CNTN4: variants seen among roughly 807,000 people sequenced by gnomAD.
CNTN4 encodes contactin-4.
A neutral mutation model predicts 122.5 loss-of-function variants in CNTN4; 77 were observed. The ratio of observed to expected loss-of-function variants is 0.63; its 90% CI spans 0.52 to 0.76. CNTN4 has a LOEUF of 0.76. CNTN4 is among the 30% of genes least tolerant of loss of function. The pLI, the probability that CNTN4 is intolerant of heterozygous loss-of-function variation, is 0.00. For synonymous variants in CNTN4, 512 were observed against 447.0 expected (o/e 1.15, Z -1.83); for missense variants, 1,256 against 1,259.1 (o/e 1.00, Z 0.04).
intron 4 of CNTN4, among the ~76,000 whole-genome samples, chr3:2,714,894 G>T (rs75652452): frequency 6.6e-6 from 1 of 152,078 alleles, no homozygotes; most frequent in Non-Finnish European, 1.5e-5. Flanking sequence ...GAGGCACCAC[G>T]CTGGGCCCAG....
chr3:2,250,230 A>G (rs1026055155), intron 2 of CNTN4, among the ~76,000 whole-genome samples: 1 of 151,950 alleles, frequency 6.6e-6, no homozygotes, highest in Non-Finnish European at 1.5e-5. Flanking sequence ...CCTTCAATTA[A>G]TAGACTAGAG....
At chr3:2,715,764 C>T (rs1400197) in intron 4 of CNTN4, among the ~76,000 whole-genome samples, 9,926 of 152,178 alleles carry the variant, frequency 0.065, 849 homozygotes, top group African/African-American at 0.2. Context: ...TGAGACAGTG[C>T]GAGCTCTTTG....
At chr3:2,208,505 T>C (rs969340397) in intron 2 of CNTN4, among the ~76,000 whole-genome samples, 2 of 152,146 alleles carry the variant, frequency 1.3e-5, no homozygotes, top group African/African-American at 2.4e-5. Flanking sequence ...CTGGTGAAGA[T>C]ACTGTGAACA....
At chr3:2,720,425 A>G (rs1318043066) in intron 4 of CNTN4, among the ~76,000 whole-genome samples, 1 of 152,102 alleles carries the variant, frequency 6.6e-6, no homozygotes, top group Non-Finnish European at 1.5e-5. Flanking sequence ...AGACCTGGGG[A>G]AGATTAAAGG....
chr3:2,749,449 A>G (rs1440357720), intron 6 of CNTN4, among the ~76,000 whole-genome samples: 1 of 151,754 alleles, frequency 6.6e-6, no homozygotes, highest in Non-Finnish European at 1.5e-5. Context: ...GTGAGATTAC[A>G]CTTTGCCCAG....
At chr3:2,324,395 G>GTT (rs1328467465) in intron 2 of CNTN4, among the ~76,000 whole-genome samples, 4 of 152,156 alleles carry the variant, frequency 2.6e-5, no homozygotes, top group Non-Finnish European at 4.4e-5. Flanking sequence ...GTAGTATGAA[G>GTT]TTTATGAGTT....
At chr3:3,004,055 CG>C (rs1230706769) in intron 14 of CNTN4, among the ~76,000 whole-genome samples, 1 of 151,940 alleles carries the variant, frequency 6.6e-6, no homozygotes, top group Non-Finnish European at 1.5e-5. Flanking sequence ...CCACCATGCC[CG>C]GCCTGAAGCG....
chr3:2,580,975 T>C (rs1424318828), intron 4 of CNTN4, among the ~76,000 whole-genome samples: 3 of 152,208 alleles, frequency 2.0e-5, no homozygotes, highest in South Asian at 4.1e-4. Context: ...GCTATGATGA[T>C]AACTATTGAA....
intron 2 of CNTN4, among the ~76,000 whole-genome samples, chr3:2,308,324 C>A (rs996428136): frequency 1.3e-5 from 2 of 151,790 alleles, no homozygotes; most frequent in Non-Finnish European, 2.9e-5. Context: ...AAAGTTGTGT[C>A]AATTTTATTT....
At chr3:2,652,698 G>A (rs2083416805) in intron 4 of CNTN4, among the ~76,000 whole-genome samples, 2 of 152,112 alleles carry the variant, frequency 1.3e-5, no homozygotes, top group African/African-American at 2.4e-5. Flanking sequence ...AGTAGTACAG[G>A]TCTCAGTGGA....
intron 2 of CNTN4, among the ~76,000 whole-genome samples, chr3:2,121,117 C>G (rs1386405143): frequency 6.6e-6 from 1 of 151,878 alleles, no homozygotes; most frequent in Non-Finnish European, 1.5e-5. Context: ...CCTTCTCTCC[C>G]TCCCTCTCTT....
At chr3:2,220,200 C>A (rs956303204) in intron 2 of CNTN4, among the ~76,000 whole-genome samples, 4 of 152,100 alleles carry the variant, frequency 2.6e-5, no homozygotes, top group African/African-American at 9.7e-5. Flanking sequence ...TGTCCATTTT[C>A]TGGATTTCCC....
intron 2 of CNTN4, among the ~76,000 whole-genome samples, chr3:2,306,264 G>A (rs1296720549): frequency 1.3e-5 from 2 of 152,116 alleles, no homozygotes; most frequent in African/African-American, 4.8e-5. Flanking sequence ...ATGCATGAGG[G>A]TTTTTATTTC....
chr3:2,494,908 C>T (rs887052993), intron 3 of CNTN4, among the ~76,000 whole-genome samples: 10 of 152,008 alleles, frequency 6.6e-5, no homozygotes, highest in Admixed American at 3.3e-4. Context: ...AATAATAGTC[C>T]TTGTTCTATA....
rs116910370 is a variant in CNTN4 at position 2,727,370 on chromosome 3, G to C, written c.56-8845G>C. 1.8e-4 allele frequency among the ~76,000 whole-genome samples: 27 copies of C among 152,208 alleles called. No individual in the cohort carries two copies. In the East Asian group the frequency reaches 5.2e-3, roughly 29 times the overall value. ...TCTCCCATCAGTTCCCATCAGTTCA[G>C]GTCAGTTTTTGCCTCCAAATGAGTT... On this transcript the variant is annotated intron_variant, in intron 4 of 24. Coordinates refer to ENST00000418658, the MANE Select transcript of CNTN4 (RefSeq NM_175607.3).
chr3:2,150,851 A>G (rs2035464836), intron 2 of CNTN4, among the ~76,000 whole-genome samples: 2 of 152,146 alleles, frequency 1.3e-5, no homozygotes, highest in Admixed American at 1.3e-4. Flanking sequence ...CCTCCCTTCA[A>G]TGCAATTACC....
chr3:2,631,084 C>T (rs112518751), intron 4 of CNTN4, among the ~76,000 whole-genome samples: 1 of 152,132 alleles, frequency 6.6e-6, no homozygotes, highest in East Asian at 1.9e-4. Context: ...TAAGTCTTAA[C>T]AATGTTTTCT....
intron 4 of CNTN4, among the ~76,000 whole-genome samples, chr3:2,583,391 G>T (rs996519163): frequency 2.0e-5 from 3 of 152,196 alleles, no homozygotes; most frequent in African/African-American, 7.2e-5. Flanking sequence ...ATGGCTAAGT[G>T]CTTTCAGATA....
chr3:2,874,396 A>T (rs145786505), intron 8 of CNTN4, among the ~76,000 whole-genome samples: 70 of 152,354 alleles, frequency 4.6e-4, no homozygotes, highest in African/African-American at 1.6e-3. Flanking sequence ...ATACATTTAT[A>T]GAGGGACTTG....
Sources: allele counts gnomAD v4.1 joint callset (sites outside exome capture counted in the v4.1 genomes callset), GRCh38; gene constraint gnomAD v4.1.1; transcripts MANE v1.5; gene names NCBI Gene and HGNC (gene_info 2026-07-23, HGNC 2026-07-21).